GGH: variants seen among roughly 807,000 people sequenced by gnomAD.
GGH encodes gamma-glutamyl hydrolase.
In GGH, 18 loss-of-function variants were observed where a neutral mutation model predicts 39.2. That is an observed-to-expected ratio of 0.46 (90% CI 0.32 to 0.68). GGH has a LOEUF of 0.68. Ranked by LOEUF, GGH falls within the 30% of genes least tolerant of loss-of-function variation. The probability of loss-of-function intolerance (pLI) is 0.04; values close to 1 mark genes in which losing one functional copy is unlikely to be tolerated. For synonymous variants in GGH, 147 were observed against 138.8 expected, an observed-to-expected ratio of 1.06 and a Z score of -0.42; for missense variants, 367 against 384.1, an observed-to-expected ratio of 0.96 and a Z score of 0.37.
In GGH at chr8:63,038,786, G is replaced by A. The variant is rs1355666332; in HGVS notation, c.-18C>T. On this transcript the variant is annotated 5_prime_UTR_variant, in exon 1 of 9. Transcript: ENST00000260118. Reference sequence around the variant, plus strand: ...CTGGCCATGGCGCTCGCCGCCTCCCGCCGCCTTTCAAAAGCTCTGCGGGCG... The same window carrying A: ...CTGGCCATGGCGCTCGCCGCCTCCCACCGCCTTTCAAAAGCTCTGCGGGCG... 8 of 1,457,630 alleles carry A rather than the reference G, an allele frequency of 5.5e-6. No individual in the cohort carries two copies. The highest frequency in any genetic ancestry group is 4.5e-5 in the Admixed American group (2 of 44,384). 90.3% of individuals were successfully genotyped at this position (1,457,630 alleles called of 1,614,324 possible). A position where few individuals can be genotyped will look rare whatever the true frequency, so the allele number is the denominator to read the frequency against.
At chr8:63,018,835 C>CAT (rs1026972437) in intron 7 of GGH, among the ~76,000 whole-genome samples, 4 of 152,080 alleles carry the variant, frequency 2.6e-5, no homozygotes, top group Non-Finnish European at 5.9e-5. Flanking sequence ...GGAAAAGATA[C>CAT]ATATATATAA....
Position 63,017,644 on chromosome 8 carries a change from A to G in GGH, c.698-14T>C, listed in dbSNP as rs1804510223. 2 of 1,518,322 alleles carry G rather than the reference A, an allele frequency of 1.3e-6. No individual in the cohort carries two copies. Among genetic ancestry groups the G allele is most frequent in the African/African-American group, 2.8e-5 (2 of 72,050 alleles). 94.1% of individuals were successfully genotyped at this position (1,518,322 alleles called of 1,614,324 possible). A position where few individuals can be genotyped will look rare whatever the true frequency, so the allele number is the denominator to read the frequency against. On this transcript the variant is annotated splice_polypyrimidine_tract_variant and intron_variant, in intron 7 of 8. Transcript: ENST00000260118. The stretch of plus-strand genomic sequence containing the variant: ...GATACTTATATCCTGTAAGAAGAAC[A>G]CAAATTAGTAAGTACTAAGAATGGT...
At chr8:63,037,586 T>C (rs899604651) in intron 1 of GGH, among the ~76,000 whole-genome samples, 1 of 152,226 alleles carries the variant, frequency 6.6e-6, no homozygotes, top group African/African-American at 2.4e-5. Flanking sequence ...ATTGTGTACA[T>C]AGTCGGTACT....
At chr8:63,015,791 A>C (rs9298071) in intron 8 of GGH, among the ~76,000 whole-genome samples, 16,757 of 152,038 alleles carry the variant, frequency 0.11, 1,065 homozygotes, top group East Asian at 0.22. Flanking sequence ...AGCATATCCC[A>C]TGCTATGCTC....
At chr8:63,020,667 A>C (rs1404449501) in intron 7 of GGH, among the ~76,000 whole-genome samples, 1 of 152,224 alleles carries the variant, frequency 6.6e-6, no homozygotes, top group African/African-American at 2.4e-5. Context: ...AGGAAAGCAC[A>C]TGAGAAGCAG....
chr8:63,027,803 C>A (rs1441421821), intron 3 of GGH, among the ~76,000 whole-genome samples: 1 of 151,832 alleles, frequency 6.6e-6, no homozygotes, highest in African/African-American at 2.4e-5. Context: ...AGTATTAGAA[C>A]ATTTTTTTCA....
intron 8 of GGH, among the ~76,000 whole-genome samples, chr8:63,016,117 G>A (rs550293112): frequency 1.1e-4 from 17 of 152,142 alleles, no homozygotes; most frequent in Non-Finnish European, 2.4e-4. Context: ...ATGTGAGGAG[G>A]TGAGAGCTCC....
intron 3 of GGH, among the ~76,000 whole-genome samples, chr8:63,027,755 T>G (rs1035183212): frequency 3.3e-5 from 5 of 152,186 alleles, no homozygotes; most frequent in Non-Finnish European, 5.9e-5. Context: ...TACAAGAATT[T>G]AATTCTTATC....
At chr8:63,033,043 T>C (rs1804834209) in intron 2 of GGH, among the ~76,000 whole-genome samples, 1 of 152,256 alleles carries the variant, frequency 6.6e-6, no homozygotes, top group Non-Finnish European at 1.5e-5. Context: ...ACCTCTAAAC[T>C]GGTCTACCTG....
chr8:63,032,106 T>G (rs1208205255), intron 2 of GGH, among the ~76,000 whole-genome samples: 1 of 152,150 alleles, frequency 6.6e-6, no homozygotes, highest in Non-Finnish European at 1.5e-5. Context: ...CCATCTCAGC[T>G]CACTGTAACC....
At chr8:63,022,549 T>C (rs1804609071) in intron 7 of GGH, among the ~76,000 whole-genome samples, 3 of 151,340 alleles carry the variant, frequency 2.0e-5, no homozygotes, top group South Asian at 2.1e-4. Context: ...ATTTCAATTA[T>C]AATTTCTTCT....
chr8:63,018,908 AT>A (rs992919997), intron 7 of GGH, among the ~76,000 whole-genome samples: 1 of 152,182 alleles, frequency 6.6e-6, no homozygotes, highest in Non-Finnish European at 1.5e-5. Context: ...GGATTTCACC[AT>A]TTTTTTGCAC....
intron 8 of GGH, among the ~76,000 whole-genome samples, chr8:63,015,884 A>T (rs1049695325): frequency 6.6e-6 from 1 of 152,216 alleles, no homozygotes. Flanking sequence ...TAAACAGAAC[A>T]GGTCCTAACA....
intron 2 of GGH, 49 bp downstream of exon 2, chr8:63,035,607 A>C (rs1362653952): frequency 6.4e-7 from 1 of 1,572,398 alleles, no homozygotes; most frequent in Non-Finnish European, 8.6e-7. Flanking sequence ...ACCCGTACGC[A>C]GCAATTTTTT....
intron 7 of GGH, among the ~76,000 whole-genome samples, chr8:63,020,717 G>A (rs1804569834): frequency 6.6e-6 from 1 of 152,190 alleles, no homozygotes; most frequent in Admixed American, 6.5e-5. Flanking sequence ...GGGACTGTGT[G>A]TAGCAAACAG....
At chr8:63,017,808 T>C in intron 7 of GGH, 178 bp from the exon 8 acceptor site, 1 of 503,352 alleles carries the variant, frequency 2.0e-6, no homozygotes, top group Non-Finnish European at 3.5e-6. Flanking sequence ...GAAAATTCCC[T>C]GTAACGTATT....
At chr8:63,027,670 G>A (rs1164476533) in intron 3 of GGH, among the ~76,000 whole-genome samples, 1 of 152,090 alleles carries the variant, frequency 6.6e-6, no homozygotes, top group Non-Finnish European at 1.5e-5. Flanking sequence ...TTATGGGTAG[G>A]TTTTAGCTCA....
intron 4 of GGH, chr8:63,026,946 A>C (rs1804697257): frequency 2.0e-6 from 1 of 511,080 alleles, no homozygotes; most frequent in South Asian, 2.5e-5. Context: ...TCACATTAAC[A>C]AGCATCAAGA....
chr8:63,018,625 TC>T (rs777670100), intron 7 of GGH, among the ~76,000 whole-genome samples: 1 of 152,200 alleles, frequency 6.6e-6, no homozygotes, highest in South Asian at 2.1e-4. Flanking sequence ...GCTCCCTGCC[TC>T]CCCCACTTCC....
Sources: allele counts gnomAD v4.1 joint callset (sites outside exome capture counted in the v4.1 genomes callset), GRCh38; gene constraint gnomAD v4.1.1; transcripts MANE v1.5; gene names NCBI Gene and HGNC (gene_info 2026-07-23, HGNC 2026-07-21).